The following DGKB variants were observed in gnomAD, a reference collection of about 807,000 sequenced individuals.
DGKB encodes 90 kDa diacylglycerol kinase.
A neutral mutation model predicts 114.3 loss-of-function variants in DGKB; 67 were observed. That is an observed-to-expected ratio of 0.59 (90% CI 0.48 to 0.72). DGKB has a LOEUF of 0.72. Among genes scored for constraint, DGKB ranks in the 30% least tolerant of loss-of-function variants. The pLI is 0.00. For missense variants in DGKB, 907 were observed against 975.2 expected (o/e 0.93, Z 0.93); for synonymous variants, 398 against 323.1 (o/e 1.23, Z -2.49).
chr7:14,882,531 A>G (rs187740649), intron 1 of DGKB, among the ~76,000 whole-genome samples: 4 of 152,144 alleles, frequency 2.6e-5, no homozygotes, highest in Admixed American at 2.6e-4. Context: ...CTTTTGGTGT[A>G]CCAATCACCA....
chr7:14,458,773 C>G (rs544308492), intron 21 of DGKB, among the ~76,000 whole-genome samples: 5 of 152,258 alleles, frequency 3.3e-5, no homozygotes, highest in Admixed American at 3.3e-4. Context: ...ATTGGGCTGC[C>G]ATTTGTTTGG....
chr7:14,516,698 G>A (rs1788850140), intron 20 of DGKB, among the ~76,000 whole-genome samples: 1 of 152,140 alleles, frequency 6.6e-6, no homozygotes, highest in East Asian at 1.9e-4. Flanking sequence ...GTATGGGAAT[G>A]CTACTAATTT....
intron 21 of DGKB, among the ~76,000 whole-genome samples, chr7:14,443,453 TC>T (rs1483848981): frequency 2.0e-5 from 3 of 152,184 alleles, no homozygotes; most frequent in Non-Finnish European, 4.4e-5. Flanking sequence ...AAATAAGCTC[TC>T]TTGCTTTGTG....
chr7:14,676,180 T>G (rs941997539), intron 12 of DGKB, among the ~76,000 whole-genome samples: 3 of 148,584 alleles, frequency 2.0e-5, no homozygotes, highest in Non-Finnish European at 4.4e-5. Context: ...GCTACAAATT[T>G]TTTTTCTTTA....
At chr7:14,511,594 G>A (rs1257296348) in intron 20 of DGKB, among the ~76,000 whole-genome samples, 3 of 152,132 alleles carry the variant, frequency 2.0e-5, no homozygotes, top group African/African-American at 7.2e-5. Flanking sequence ...TAGTTCATGG[G>A]AGTAACCCTT....
chr7:14,493,925 T>TACAAACACACACAC (rs201167494), intron 20 of DGKB, among the ~76,000 whole-genome samples: 17 of 137,722 alleles, frequency 1.2e-4, no homozygotes, highest in African/African-American at 4.3e-4. Context: ...CATGGTATCA[T>TACAAACACACACAC]ACACACACAC....
chr7:14,697,804 AAG>A (rs1330577676), intron 8 of DGKB, among the ~76,000 whole-genome samples: 20 of 143,190 alleles, frequency 1.4e-4, no homozygotes, highest in South Asian at 4.6e-4. Flanking sequence ...GGAAGGAAGA[AAG>A]AGAAAGAAAG....
At chr7:14,162,952 AT>A (rs573821961) in intron 25 of DGKB, among the ~76,000 whole-genome samples, 185 of 152,322 alleles carry the variant, frequency 1.2e-3, no homozygotes, top group African/African-American at 4.1e-3. Context: ...TGTCATCATA[AT>A]TTTAAAACAT....
At chr7:14,268,186 A>G (rs1797779595) in intron 23 of DGKB, among the ~76,000 whole-genome samples, 2 of 149,852 alleles carry the variant, frequency 1.3e-5, no homozygotes, top group South Asian at 4.3e-4. Context: ...AAACATTAAA[A>G]TCACACACAC....
At chr7:14,653,936 C>G (rs1250834872) in intron 13 of DGKB, among the ~76,000 whole-genome samples, 1 of 151,918 alleles carries the variant, frequency 6.6e-6, no homozygotes, top group African/African-American at 2.4e-5. Context: ...GTACACTGAA[C>G]AGAGAAAAGC....
At chr7:14,948,701 T>C (rs371758100) in intron 1 of DGKB, among the ~76,000 whole-genome samples, 5 of 151,924 alleles carry the variant, frequency 3.3e-5, no homozygotes, top group Admixed American at 6.6e-5. Context: ...TTTAAGATTG[T>C]GGTGTTCTCT....
chr7:14,339,999 C>G (rs546176046), intron 22 of DGKB, among the ~76,000 whole-genome samples: 1 of 151,926 alleles, frequency 6.6e-6, no homozygotes, highest in East Asian at 1.9e-4. Flanking sequence ...CCTCATCATA[C>G]TGAAGCTAGG....
rs368984675 is a variant in DGKB at position 14,729,283 on chromosome 7, C to T, written c.322+6758G>A. 2.1e-4 allele frequency among the ~76,000 whole-genome samples: 28 copies of T among 136,140 alleles called. 1 individual carries two copies. The highest frequency in any genetic ancestry group is 5.3e-4 in the African/African-American group (21 of 39,558). The allele number at this position is 136,140 out of a possible 152,430, so 89.3% of individuals were successfully genotyped here. On this transcript the variant is annotated intron_variant, in intron 5 of 25. Coordinates refer to ENST00000402815, the MANE Select transcript of DGKB (RefSeq NM_001350709.2). ...GACTACAGGCGCCTGCCACCACATC[C>T]GGCTAATTTTTTGTATTTTTAGTAG...
chr7:14,671,696 G>A (rs1818991700), intron 13 of DGKB, among the ~76,000 whole-genome samples: 1 of 152,058 alleles, frequency 6.6e-6, no homozygotes, highest in African/African-American at 2.4e-5. Context: ...TGGGTAGTAG[G>A]AAGAAATCAT....
chr7:14,295,750 G>A (rs1802431549), intron 23 of DGKB, among the ~76,000 whole-genome samples: 2 of 152,026 alleles, frequency 1.3e-5, no homozygotes. Context: ...TACATGTGCA[G>A]AACATGCAGG....
chr7:14,933,137 G>C (rs970187209), intron 1 of DGKB, among the ~76,000 whole-genome samples: 1 of 152,178 alleles, frequency 6.6e-6, no homozygotes, highest in Admixed American at 6.5e-5. Flanking sequence ...ACCTGGCATT[G>C]AGAGGCACTA....
chr7:14,970,210 T>C (rs1787376443), intron 1 of DGKB, among the ~76,000 whole-genome samples: 1 of 152,162 alleles, frequency 6.6e-6, no homozygotes, highest in Non-Finnish European at 1.5e-5. Flanking sequence ...CTACCAATGA[T>C]GATAATGACG....
At position 14,636,272 on chromosome 7, in the gene DGKB, G is replaced by A. The variant is rs145813050; in HGVS notation, c.1135-6004C>T. 2.5e-3 allele frequency among the ~76,000 whole-genome samples: 380 copies of A among 151,660 alleles called. 1 individual carries two copies. The highest frequency in any genetic ancestry group is 8.5e-3 in the African/African-American group (353 of 41,466). The stretch of plus-strand genomic sequence containing the variant: ...TCTGAGTTATAGACTCTTTTCCCCC[G>A]ACCATATAATTAGAATATAATTACC... On this transcript the variant is annotated intron_variant, in intron 13 of 25. Transcript: ENST00000402815.
intron 1 of DGKB, among the ~76,000 whole-genome samples, chr7:14,973,334 T>C (rs1287956317): frequency 6.6e-6 from 1 of 151,848 alleles, no homozygotes; most frequent in Non-Finnish European, 1.5e-5. Flanking sequence ...ATTGTGTATA[T>C]TATAGCCACA....
Sources: allele counts gnomAD v4.1 joint callset (sites outside exome capture counted in the v4.1 genomes callset), GRCh38; gene constraint gnomAD v4.1.1; transcripts MANE v1.5; gene names NCBI Gene and HGNC (gene_info 2026-07-23, HGNC 2026-07-21).